The following IGF1R variants were observed in gnomAD, a reference collection of about 807,000 sequenced individuals.
The protein encoded by IGF1R is insulin-like growth factor 1 receptor.
In IGF1R, 44 loss-of-function variants were observed where a neutral mutation model predicts 144.6. The ratio of observed to expected loss-of-function variants is 0.30; its 90% CI spans 0.24 to 0.39. The LOEUF (loss-of-function observed/expected upper bound fraction) is 0.39. IGF1R is among the 10% of genes least tolerant of loss of function. IGF1R has a pLI of 1.00. For synonymous variants in IGF1R, 795 were observed against 722.8 expected, an observed-to-expected ratio of 1.10 and a Z score of -1.60; for missense variants, 1,355 against 1,833.7, an observed-to-expected ratio of 0.74 and a Z score of 4.77.
intron 2 of IGF1R, among the ~76,000 whole-genome samples, chr15:98,827,736 C>T (rs1428161443): frequency 3.3e-5 from 5 of 152,190 alleles, no homozygotes; most frequent in Non-Finnish European, 5.9e-5. Flanking sequence ...GCGCACGCCA[C>T]CACACCCGGC....
At chr15:98,802,678 T>A (rs1408353824) in intron 2 of IGF1R, among the ~76,000 whole-genome samples, 1 of 152,248 alleles carries the variant, frequency 6.6e-6, no homozygotes, top group African/African-American at 2.4e-5. Flanking sequence ...CCTGTGCATT[T>A]TATTTGTCTA....
chr15:98,665,417 G>A (rs112394746), intron 1 of IGF1R, among the ~76,000 whole-genome samples: 1,967 of 152,226 alleles, frequency 0.013, 41 homozygotes, highest in African/African-American at 0.046. Context: ...AGGCCCTTTT[G>A]AGGCCATGGT....
intron 1 of IGF1R, among the ~76,000 whole-genome samples, chr15:98,688,993 G>A (rs2053405828): frequency 6.6e-6 from 1 of 152,084 alleles, no homozygotes; most frequent in South Asian, 2.1e-4. Context: ...GACTTTGGCT[G>A]CCCAGATGTT....
intron 1 of IGF1R, among the ~76,000 whole-genome samples, chr15:98,664,521 C>T (rs1055042962): frequency 6.6e-6 from 1 of 151,756 alleles, no homozygotes; most frequent in Non-Finnish European, 1.5e-5. Context: ...AAAAATTAGC[C>T]AGGCACAGTG....
chr15:98,667,542 G>A (rs752650856), intron 1 of IGF1R, among the ~76,000 whole-genome samples: 9 of 152,284 alleles, frequency 5.9e-5, no homozygotes, highest in Middle Eastern at 3.4e-3. Flanking sequence ...GGCCAGGTCC[G>A]CCTGTCTGCC....
chr15:98,935,521 G>C lies in IGF1R; in HGVS notation c.3297+95G>C. The C allele has an allele frequency of 1.2e-6, 1 of 804,114 alleles. No individual in the cohort carries two copies. Among genetic ancestry groups the C allele is most frequent in the East Asian group, 2.7e-5 (1 of 37,614 alleles). The allele number at this position is 804,114 out of a possible 1,614,324, so 49.8% of individuals were successfully genotyped here. On this transcript the variant is annotated intron_variant, in intron 17 of 20. Coordinates refer to ENST00000650285, the MANE Select transcript of IGF1R (RefSeq NM_000875.5). The surrounding 1 kb of genome is among the most constrained non-coding windows in gnomAD (Gnocchi z 4.2). ...AAGGAAATGCTGTGTCTTTAAATCA[G>C]TTTACTTTCCAGCATCCAGTGTTTC...
In IGF1R at chr15:98,715,947, C is replaced by T. The variant is rs577585333; in HGVS notation, c.640+7840C>T. On this transcript the variant is annotated intron_variant, in intron 2 of 20. Coordinates refer to ENST00000650285, the MANE Select transcript of IGF1R (RefSeq NM_000875.5). The stretch of plus-strand genomic sequence containing the variant: ...CATTTTAAGTAAAAACCAAAGTGCA[C>T]AGATGATCTGCAGAACTTCTGGGGG... Among the ~76,000 whole-genome samples the T allele has an allele frequency of 1.2e-3, 183 of 152,300 alleles. 3 individuals are homozygous for T. Among genetic ancestry groups the T allele is most frequent in the Middle Eastern group, 6.8e-3 (2 of 294 alleles).
At chr15:98,874,389 G>A (rs2012944952) in intron 2 of IGF1R, among the ~76,000 whole-genome samples, 2 of 152,162 alleles carry the variant, frequency 1.3e-5, no homozygotes, top group South Asian at 4.1e-4. Flanking sequence ...TTTTCAATAG[G>A]CAGTTTCAGA....
intron 2 of IGF1R, among the ~76,000 whole-genome samples, chr15:98,834,018 G>A (rs2141510194): frequency 6.6e-6 from 1 of 152,340 alleles, no homozygotes; most frequent in South Asian, 2.1e-4. Context: ...GCTCTGTGCT[G>A]CTGGGTTTAT....
chr15:98,706,242 T>G (rs868474190), intron 1 of IGF1R, among the ~76,000 whole-genome samples: 1 of 152,252 alleles, frequency 6.6e-6, no homozygotes. Flanking sequence ...TCTCGTGGTA[T>G]CATACATGTT....
chr15:98,942,054 T>A (rs539576795), intron 18 of IGF1R, among the ~76,000 whole-genome samples: 1 of 152,300 alleles, frequency 6.6e-6, no homozygotes, highest in East Asian at 1.9e-4. Context: ...AAAACAGTAT[T>A]GAGTAATAGC....
At chr15:98,664,033 A>G (rs2052664655) in intron 1 of IGF1R, among the ~76,000 whole-genome samples, 1 of 152,146 alleles carries the variant, frequency 6.6e-6, no homozygotes, top group African/African-American at 2.4e-5. Context: ...AACTGTTTTC[A>G]CTTGACAAAT....
At chr15:98,860,726 T>C (rs889940046) in intron 2 of IGF1R, among the ~76,000 whole-genome samples, 3 of 152,028 alleles carry the variant, frequency 2.0e-5, no homozygotes, top group African/African-American at 7.3e-5. Flanking sequence ...GGTTTTACCA[T>C]TTTTATGTCT....
intron 2 of IGF1R, among the ~76,000 whole-genome samples, chr15:98,782,204 A>C (rs936606474): frequency 1.1e-4 from 16 of 152,220 alleles, no homozygotes; most frequent in Admixed American, 8.5e-4. Flanking sequence ...CTTTTAAAGA[A>C]GAAACAAAAC....
intron 8 of IGF1R, among the ~76,000 whole-genome samples, chr15:98,914,712 A>G (rs574796494): frequency 1.3e-5 from 2 of 152,328 alleles, no homozygotes; most frequent in African/African-American, 4.8e-5. Context: ...TCCTTTCCAC[A>G]AAGATGGAAA....
At chr15:98,665,022 A>G (rs1027496838) in intron 1 of IGF1R, among the ~76,000 whole-genome samples, 9 of 148,814 alleles carry the variant, frequency 6.0e-5, no homozygotes, top group African/African-American at 2.0e-4. Context: ...TGGTGGCGCA[A>G]TCTTGGCTCA....
chr15:98,940,388 A>G (rs35715334), intron 18 of IGF1R, among the ~76,000 whole-genome samples: 19,374 of 152,182 alleles, frequency 0.13, 1,580 homozygotes, highest in East Asian at 0.35. Context: ...TTGGTGAACA[A>G]TGAGAATCTT....
intron 2 of IGF1R, among the ~76,000 whole-genome samples, chr15:98,795,224 G>T (rs1333533925): frequency 6.6e-6 from 1 of 152,080 alleles, no homozygotes; most frequent in Admixed American, 6.6e-5. Flanking sequence ...GGCGAAAGAG[G>T]GTAGGAAAGG....
chr15:98,690,431 T>C (rs1490600093), intron 1 of IGF1R, among the ~76,000 whole-genome samples: 1 of 152,210 alleles, frequency 6.6e-6, no homozygotes, highest in African/African-American at 2.4e-5. Context: ...CTCCTCTGAC[T>C]CTTCCTTCTT....
Sources: allele counts gnomAD v4.1 joint callset (sites outside exome capture counted in the v4.1 genomes callset), GRCh38; gene constraint gnomAD v4.1.1; non-coding constraint Gnocchi (gnomAD v3.1); transcripts MANE v1.5; gene names NCBI Gene and HGNC (gene_info 2026-07-23, HGNC 2026-07-21).